MIA2: variants seen among roughly 807,000 people sequenced by gnomAD.
MIA2 encodes MIA SH3 domain ER export factor 2.
A neutral mutation model predicts 167.8 loss-of-function variants in MIA2; 127 were observed. The observed-to-expected ratio is 0.76, with a 90% CI of 0.66 to 0.88. The LOEUF is 0.88. Ranked by LOEUF, MIA2 falls within the 40% of genes least tolerant of loss-of-function variation. The pLI is 0.00. For missense variants in MIA2, 1,690 were observed against 1,624.7 expected (o/e 1.04, Z -0.69); for synonymous variants, 552 against 541.9 (o/e 1.02, Z -0.26).
chr14:39,287,954 C>T (rs1177296500), intron 9 of MIA2, among the ~76,000 whole-genome samples: 6 of 152,144 alleles, frequency 3.9e-5, no homozygotes. Flanking sequence ...ATGTGATTCT[C>T]CCACCTTAGC....
chr14:39,323,721 C>G (rs192518477), intron 24 of MIA2, among the ~76,000 whole-genome samples: 1 of 152,222 alleles, frequency 6.6e-6, no homozygotes, highest in Non-Finnish European at 1.5e-5. Flanking sequence ...GTATAATTGG[C>G]TAAACTGCAA....
chr14:39,309,552 G>A (rs1234268696), intron 18 of MIA2, among the ~76,000 whole-genome samples: 1 of 152,008 alleles, frequency 6.6e-6, no homozygotes, highest in African/African-American at 2.4e-5. Flanking sequence ...CATTTTATTA[G>A]GCCTGGGTTC....
At chr14:39,250,044 T>G (rs573449595) in intron 4 of MIA2, among the ~76,000 whole-genome samples, 1 of 152,178 alleles carries the variant, frequency 6.6e-6, no homozygotes, top group South Asian at 2.1e-4. Flanking sequence ...CCTTTTTAGG[T>G]TGTTAAAGGC....
intron 23 of MIA2, among the ~76,000 whole-genome samples, chr14:39,376,920 G>A (rs1006512760): frequency 5.3e-5 from 8 of 152,176 alleles, no homozygotes; most frequent in Non-Finnish European, 8.8e-5. Flanking sequence ...ACCTTTATCT[G>A]TAGCTATCTG....
intron 9 of MIA2, among the ~76,000 whole-genome samples, chr14:39,289,157 G>T (rs1307525427): frequency 2.6e-5 from 4 of 151,924 alleles, no homozygotes; most frequent in African/African-American, 9.7e-5. Flanking sequence ...GAGATATTTG[G>T]AAGCTGGGCC....
intron 4 of MIA2, among the ~76,000 whole-genome samples, chr14:39,248,749 T>A (rs1258469794): frequency 6.6e-6 from 1 of 152,144 alleles, no homozygotes; most frequent in Non-Finnish European, 1.5e-5. Flanking sequence ...GGAAACTTTT[T>A]TTTTTTTCCA....
intron 6 of MIA2, among the ~76,000 whole-genome samples, chr14:39,273,466 C>T (rs1273373737): frequency 6.6e-6 from 1 of 152,114 alleles, no homozygotes; most frequent in East Asian, 1.9e-4. Flanking sequence ...GATTCTCCCA[C>T]CTCGGCCTTC....
intron 7 of MIA2, among the ~76,000 whole-genome samples, chr14:39,277,903 T>G (rs562909125): frequency 6.6e-6 from 1 of 151,362 alleles, no homozygotes; most frequent in Admixed American, 6.6e-5. Context: ...AAGCAATCCT[T>G]TCTCAGCCTT....
chr14:39,346,900 T>C (rs375039034), intron 26 of MIA2: 10 of 331,044 alleles, frequency 3.0e-5, no homozygotes, highest in Admixed American at 1.6e-4. Context: ...GACACCTTGC[T>C]CAGCCTGGAA....
chr14:39,359,641 G>A (rs146582361), intron 23 of MIA2, among the ~76,000 whole-genome samples: 6 of 152,114 alleles, frequency 3.9e-5, no homozygotes, highest in African/African-American at 9.7e-5. Flanking sequence ...CTTCTGCGTC[G>A]CTCACACTGG....
chr14:39,267,220 G>A, intron 6 of MIA2: 8 of 1,346,356 alleles, frequency 5.9e-6, no homozygotes, highest in Non-Finnish European at 7.6e-6. Context: ...GGTCGGGCTC[G>A]GACCTGCGCT....
At chr14:39,317,278 A>G (rs954046878) in intron 21 of MIA2, among the ~76,000 whole-genome samples, 1 of 152,216 alleles carries the variant, frequency 6.6e-6, no homozygotes. Context: ...GACACTGAGC[A>G]GTAGCTTGTC....
chr14:39,277,739 TA>T lies in MIA2; in HGVS notation c.2019+675del, dbSNP rs1207122399. On this transcript the variant is annotated intron_variant, in intron 7 of 28. Coordinates refer to ENST00000640607, the MANE Select transcript of MIA2 (RefSeq NM_001329214.4). ...ATGTGTGTATATATATATATATATA[TA>T]TATGTGTGTATATATATATATATAT... Among the ~76,000 whole-genome samples, 6 of 4,200 alleles carry T rather than the reference TA, an allele frequency of 1.4e-3. 1 individual carries two copies. The highest frequency in any genetic ancestry group is 6.2e-3 in the South Asian group (1 of 162). The allele number at this position is 4,200 out of a possible 152,430, so 2.8% of individuals were successfully genotyped here. A position where few individuals can be genotyped will look rare whatever the true frequency, so the allele number is the denominator to read the frequency against.
At chr14:39,274,097 G>T (rs2057574140) in intron 6 of MIA2, among the ~76,000 whole-genome samples, 1 of 152,032 alleles carries the variant, frequency 6.6e-6, no homozygotes, top group Admixed American at 6.6e-5. Context: ...AAAGCTACTT[G>T]ATCTTGAACT....
intron 23 of MIA2, among the ~76,000 whole-genome samples, chr14:39,372,425 A>G (rs1319699768): frequency 6.6e-6 from 1 of 152,220 alleles, no homozygotes; most frequent in Non-Finnish European, 1.5e-5. Flanking sequence ...GTGAGTCAAC[A>G]GTATAATGTG....
At chr14:39,339,302 T>A (rs781493466) in intron 25 of MIA2, among the ~76,000 whole-genome samples, 1 of 152,178 alleles carries the variant, frequency 6.6e-6, no homozygotes, top group Non-Finnish European at 1.5e-5. Context: ...CTGCTGTAGA[T>A]GACTACATAC....
Position 39,247,871 on chromosome 14 carries a change from A to G in MIA2, c.1297A>G (p.Ile433Val), listed in dbSNP as rs2152628545. Reference sequence around the variant, plus strand: ...ACAAGAAATAGAAACGATAAAAATTATAGAAACAGAAGATCAAATAGACAA... The same window carrying G: ...ACAAGAAATAGAAACGATAAAAATTGTAGAAACAGAAGATCAAATAGACAA... Reference protein sequence around the residue: ...KEQEIETIKIIETEDQIDKKP... With the variant: ...KEQEIETIKIVETEDQIDKKP... Residue 433 changes from isoleucine to valine, a missense_variant, in exon 4 of 29, where the codon ATA (isoleucine) becomes GTA (valine). Coordinates refer to ENST00000640607, the MANE Select transcript of MIA2 (RefSeq NM_001329214.4). 2.5e-6 allele frequency: 4 copies of G among 1,589,630 alleles called. No homozygotes were observed. Among genetic ancestry groups the G allele is most frequent in the Non-Finnish European group, 8.5e-7 (1 of 1,173,840 alleles).
At chr14:39,264,706 TG>T (rs2055350512) in intron 6 of MIA2, among the ~76,000 whole-genome samples, 2 of 152,352 alleles carry the variant, frequency 1.3e-5, no homozygotes, top group South Asian at 4.1e-4. Flanking sequence ...TCCACAATTT[TG>T]ATTTTCTTCC....
intron 25 of MIA2, among the ~76,000 whole-genome samples, chr14:39,336,581 G>T (rs1172441920): frequency 2.0e-5 from 3 of 152,124 alleles, no homozygotes; most frequent in Non-Finnish European, 4.4e-5. Context: ...GTACAGTGTT[G>T]AACAGTCTAC....
Sources: gnomAD v4.1 joint callset for allele counts (sites outside exome capture counted in the v4.1 genomes callset) on GRCh38, gnomAD v4.1.1 for gene constraint, MANE v1.5 for transcripts, NCBI Gene and HGNC (gene_info 2026-07-23, HGNC 2026-07-21) for gene names.